Variants in IGSF5 observed in about 807,000 individuals in gnomAD.
The protein encoded by IGSF5 is immunoglobulin superfamily member 5, also known as immunoglobulin superfamily 5 like.
A neutral mutation model predicts 39.4 loss-of-function variants in IGSF5; 41 were observed. The ratio of observed to expected loss-of-function variants is 1.04; its 90% CI spans 0.81 to 1.35. IGSF5 has a LOEUF of 1.35. Ranked by LOEUF, IGSF5 falls within the 40% of genes most tolerant of loss-of-function variation. The pLI is 0.00. For synonymous variants in IGSF5, 183 were observed against 175.3 expected, an observed-to-expected ratio of 1.04 and a Z score of -0.34; for missense variants, 487 against 494.6, an observed-to-expected ratio of 0.98 and a Z score of 0.15.
chr21:39,737,015 T>TA, the IGSF5 span, among the ~76,000 whole-genome samples: 1 of 152,150 alleles, frequency 6.6e-6, no homozygotes, highest in African/African-American at 2.4e-5. Flanking sequence ...AATTATGACT[T>TA]ATGCTAGGCC....
the IGSF5 span, chr21:39,729,570 C>G: frequency 1.3e-5 from 2 of 152,250 alleles, no homozygotes; most frequent in Non-Finnish European, 2.9e-5. Flanking sequence ...AAGAAGCAGA[C>G]AGCAAAGGTG....
At chr21:39,767,570 C>A (rs1038477240) in intron 3 of IGSF5, among the ~76,000 whole-genome samples, 2 of 152,186 alleles carry the variant, frequency 1.3e-5, no homozygotes, top group African/African-American at 4.8e-5. Flanking sequence ...ACACCTGGCT[C>A]ATAGCAATCA....
intron 8 of IGSF5, among the ~76,000 whole-genome samples, chr21:39,796,469 T>C (rs1299599140): frequency 1.3e-5 from 2 of 152,240 alleles, no homozygotes; most frequent in African/African-American, 4.8e-5. Flanking sequence ...TTCTCCATTC[T>C]GCAATAAGCC....
the IGSF5 span, among the ~76,000 whole-genome samples, chr21:39,734,784 C>T: frequency 7.0e-6 from 1 of 142,896 alleles, no homozygotes; most frequent in Non-Finnish European, 1.5e-5. Flanking sequence ...AGTCACTAAA[C>T]ATAATGTATT....
intron 4 of IGSF5, among the ~76,000 whole-genome samples, chr21:39,772,340 C>T (rs1472655001): frequency 6.6e-6 from 1 of 152,148 alleles, no homozygotes; most frequent in Non-Finnish European, 1.5e-5. Flanking sequence ...CCAGAAACTG[C>T]TCACCTGGCA....
chr21:39,726,556 G>A, the IGSF5 span, among the ~76,000 whole-genome samples: 1 of 152,166 alleles, frequency 6.6e-6, no homozygotes, highest in Non-Finnish European at 1.5e-5. Flanking sequence ...GGGCAGGGTG[G>A]AGGCGGTGCA....
At chr21:39,789,579 C>T (rs978645077) in intron 6 of IGSF5, among the ~76,000 whole-genome samples, 1 of 151,870 alleles carries the variant, frequency 6.6e-6, no homozygotes, top group Admixed American at 6.6e-5. Flanking sequence ...TTGAGGACTT[C>T]TTTTGCATTA....
chr21:39,721,091 G>A, the IGSF5 span, among the ~76,000 whole-genome samples: 2 of 152,142 alleles, frequency 1.3e-5, no homozygotes, highest in Admixed American at 1.3e-4. Flanking sequence ...GATTAAATTA[G>A]TGAAGCATCT....
At chr21:39,736,866 G>A in the IGSF5 span, among the ~76,000 whole-genome samples, 2 of 152,178 alleles carry the variant, frequency 1.3e-5, no homozygotes, top group South Asian at 4.1e-4. Flanking sequence ...TCAGTGCTTT[G>A]CTGGCCAGCC....
At chr21:39,720,563 A>G in the IGSF5 span, among the ~76,000 whole-genome samples, 385 of 152,338 alleles carry the variant, frequency 2.5e-3, 3 homozygotes, top group African/African-American at 8.4e-3. Context: ...AGTACTGCTC[A>G]TAACTGTCCT....
At chr21:39,738,861 C>T in the IGSF5 span, among the ~76,000 whole-genome samples, 1 of 151,702 alleles carries the variant, frequency 6.6e-6, no homozygotes, top group African/African-American at 2.4e-5. This position sits in a 1 kb window ranked among gnomAD's most constrained non-coding sequence, Gnocchi z 6.4. Flanking sequence ...TTTATGCCCT[C>T]CTCTCTGGCA....
At chr21:39,781,884 C>G (rs568904837) in intron 5 of IGSF5, among the ~76,000 whole-genome samples, 8 of 152,226 alleles carry the variant, frequency 5.3e-5, no homozygotes, top group African/African-American at 1.9e-4. Flanking sequence ...GATGTTAGGA[C>G]CGATGGCCCC....
chr21:39,800,201 G>T (rs2087020990), intron 8 of IGSF5, among the ~76,000 whole-genome samples: 2 of 152,168 alleles, frequency 1.3e-5, no homozygotes, highest in African/African-American at 4.8e-5. Context: ...TTAAAACAAA[G>T]AATCCTCCTT....
At chr21:39,765,065 A>G (rs2080079187) in intron 2 of IGSF5, among the ~76,000 whole-genome samples, 3 of 152,134 alleles carry the variant, frequency 2.0e-5, no homozygotes, top group Admixed American at 2.0e-4. Flanking sequence ...TTGTAGATGC[A>G]TCACTCCAGT....
intron 2 of IGSF5, among the ~76,000 whole-genome samples, chr21:39,757,313 G>GT (rs371293840): frequency 2.1e-3 from 40 of 18,796 alleles, no homozygotes; most frequent in African/African-American, 2.7e-3. Context: ...GAGGGCAGGA[G>GT]TTTTTTCTCA....
rs554619117 is a variant in IGSF5, at chr21:39,776,665, A to T, written c.719-2425A>T. 3.1e-4 allele frequency among the ~76,000 whole-genome samples: 47 copies of T among 152,290 alleles called. 1 individual carries two copies. The highest frequency in any genetic ancestry group is 1.1e-3 in the African/African-American group (44 of 41,556). ...ATAAGGCAGGCCCTCTCTGTCCTAG[A>T]TTAAGGCAGGCTCTCTCTGGGCTAG... On this transcript the variant is annotated intron_variant, in intron 4 of 8. Transcript: ENST00000380588.
At chr21:39,764,067 T>A (rs2837184) in intron 2 of IGSF5, among the ~76,000 whole-genome samples, 109,049 of 151,920 alleles carry the variant, frequency 0.72, 41,030 homozygotes, top group Non-Finnish European at 0.82. Context: ...TTAGCCTTAG[T>A]GAACTCTCAC....
chr21:39,782,816 A>G (rs1228374196), intron 5 of IGSF5, among the ~76,000 whole-genome samples: 1 of 152,180 alleles, frequency 6.6e-6, no homozygotes, highest in Non-Finnish European at 1.5e-5. Flanking sequence ...CAGAACACTG[A>G]AACTTTTCCT....
the IGSF5 span, among the ~76,000 whole-genome samples, chr21:39,738,430 A>G: frequency 1.3e-5 from 2 of 152,168 alleles, no homozygotes; most frequent in Non-Finnish European, 2.9e-5. The surrounding 1 kb of genome is among the most constrained non-coding windows in gnomAD (Gnocchi z 6.4). Context: ...ACAGTTCAAG[A>G]TGAGATTTAG....
Sources: gnomAD v4.1 joint callset for allele counts (sites outside exome capture counted in the v4.1 genomes callset) on GRCh38, gnomAD v4.1.1 for gene constraint, Gnocchi (gnomAD v3.1) non-coding constraint, MANE v1.5 for transcripts, NCBI Gene and HGNC (gene_info 2026-07-23, HGNC 2026-07-21) for gene names.